TMEM53: variants seen among roughly 807,000 people sequenced by gnomAD.
TMEM53 encodes novel DUF829 domain-containing protein.
Under a neutral mutation model 21.4 loss-of-function variants are expected in TMEM53, and 14 were observed. The ratio of observed to expected loss-of-function variants is 0.65; its 90% CI spans 0.43 to 1.02. TMEM53 has a LOEUF of 1.02. Among genes scored for constraint, TMEM53 ranks in the 50% least tolerant of loss-of-function variants. The pLI, the probability that TMEM53 is intolerant of heterozygous loss-of-function variation, is 0.00. For missense variants in TMEM53, 323 were observed against 383.6 expected (o/e 0.84, Z 1.32); for synonymous variants, 148 against 157.4 (o/e 0.94, Z 0.45).
At chr1:44,670,852 C>T (rs867256711) in intron 1 of TMEM53, among the ~76,000 whole-genome samples, 2 of 152,228 alleles carry the variant, frequency 1.3e-5, no homozygotes, top group African/African-American at 4.8e-5. Context: ...AACATGAGAG[C>T]CACACGGTGC....
chr1:44,655,725 C>A lies in TMEM53; in HGVS notation c.184-516G>T, dbSNP rs1644843578. Among the ~76,000 whole-genome samples, 1 of 152,120 alleles carries A rather than the reference C, an allele frequency of 6.6e-6. No homozygotes were observed. ...GCTGGCCTGCAGGCGCCAGCCCTGACCACCAGAGGCCACTTCTGAGCCAGG... is the reference window on the plus strand; with the variant it reads ...GCTGGCCTGCAGGCGCCAGCCCTGAACACCAGAGGCCACTTCTGAGCCAGG... On this transcript the variant is annotated intron_variant, in intron 2 of 2. Coordinates refer to ENST00000372237, the MANE Select transcript of TMEM53 (RefSeq NM_024587.4). This position sits in a 1 kb window ranked among gnomAD's most constrained non-coding sequence, Gnocchi z 4.4.
chr1:44,674,461 G>C lies in TMEM53; in HGVS notation c.-70C>G. ...CGCTTGCGCACCCGTGCCTCACCCGGGCGCCTCCTGGGCGCCGCCCAATCA... is the reference window on the plus strand; with the variant it reads ...CGCTTGCGCACCCGTGCCTCACCCGCGCGCCTCCTGGGCGCCGCCCAATCA... On this transcript the variant is annotated 5_prime_UTR_variant, in exon 1 of 3. Coordinates refer to ENST00000372237, the MANE Select transcript of TMEM53 (RefSeq NM_024587.4). 6 of 1,509,208 alleles carry C rather than the reference G, an allele frequency of 4.0e-6. No individual in the cohort carries two copies. Among genetic ancestry groups the C allele is most frequent in the Non-Finnish European group, 5.4e-6 (6 of 1,118,204 alleles). 93.5% of individuals were successfully genotyped at this position (1,509,208 alleles called of 1,614,324 possible).
intron 1 of TMEM53, 63 bp from the exon 2 acceptor site, chr1:44,660,358 T>C: frequency 6.4e-7 from 1 of 1,552,236 alleles, no homozygotes; most frequent in Non-Finnish European, 8.7e-7. Flanking sequence ...GACTGCCCAA[T>C]CCAGAGTCAG....
At chr1:44,657,915 C>T (rs1308331775) in intron 2 of TMEM53, among the ~76,000 whole-genome samples, 1 of 151,710 alleles carries the variant, frequency 6.6e-6, no homozygotes, top group Non-Finnish European at 1.5e-5. Context: ...ATCCTGTCCT[C>T]CCTATTGGAA....
chr1:44,673,810 C>G, intron 1 of TMEM53: 1 of 978,344 alleles, frequency 1.0e-6, no homozygotes, highest in Non-Finnish European at 1.2e-6. Flanking sequence ...GGATTTCAGT[C>G]GAGTTCTACC....
chr1:44,661,510 A>G (rs1644902329), intron 1 of TMEM53, among the ~76,000 whole-genome samples: 1 of 152,006 alleles, frequency 6.6e-6, no homozygotes, highest in African/African-American at 2.4e-5. Flanking sequence ...CGGGAACAAG[A>G]AAGTCTTAAA....
chr1:44,673,209 T>C (rs1645028629), intron 1 of TMEM53, among the ~76,000 whole-genome samples: 1 of 152,240 alleles, frequency 6.6e-6, no homozygotes, highest in South Asian at 2.1e-4. Context: ...TGGGGCCATC[T>C]GTTCTGCGGG....
intron 1 of TMEM53, among the ~76,000 whole-genome samples, chr1:44,668,236 G>A (rs1644965779): frequency 6.6e-6 from 1 of 151,892 alleles, no homozygotes; most frequent in Non-Finnish European, 1.5e-5. Flanking sequence ...AGGTCAGGAG[G>A]TCAAGACCAT....
chr1:44,656,136 G>A (rs900345061), intron 2 of TMEM53, among the ~76,000 whole-genome samples: 6 of 151,984 alleles, frequency 3.9e-5, no homozygotes, highest in South Asian at 2.1e-4. Flanking sequence ...GGTCAGACAG[G>A]TCCGGGTTCA....
chr1:44,673,198 C>A (rs527393674), intron 1 of TMEM53, among the ~76,000 whole-genome samples: 65 of 152,332 alleles, frequency 4.3e-4, no homozygotes, highest in Non-Finnish European at 7.6e-4. Context: ...AACAGCTGGT[C>A]TGGGGCCATC....
At chr1:44,663,399 C>A (rs2148533746) in intron 1 of TMEM53, among the ~76,000 whole-genome samples, 1 of 152,276 alleles carries the variant, frequency 6.6e-6, no homozygotes, top group South Asian at 2.1e-4. Flanking sequence ...CACCACCACA[C>A]CTGGCTAATT....
chr1:44,657,002 A>ACT (rs1270010928), intron 2 of TMEM53, among the ~76,000 whole-genome samples: 18 of 143,922 alleles, frequency 1.3e-4, no homozygotes, highest in African/African-American at 3.0e-4. Context: ...ACAGAGCAAG[A>ACT]CTCTCTCTCA....
intron 2 of TMEM53, among the ~76,000 whole-genome samples, chr1:44,657,169 G>C (rs1644858146): frequency 6.6e-6 from 1 of 152,180 alleles, no homozygotes; most frequent in African/African-American, 2.4e-5. Context: ...ACTCCAGCCT[G>C]GGTGACAGAG....
intron 1 of TMEM53, among the ~76,000 whole-genome samples, chr1:44,667,481 T>G (rs1468086216): frequency 1.3e-5 from 2 of 151,912 alleles, no homozygotes; most frequent in Non-Finnish European, 2.9e-5. Flanking sequence ...CTAATTTTTG[T>G]GGTTTCAGTA....
intron 1 of TMEM53, among the ~76,000 whole-genome samples, chr1:44,665,566 C>T (rs557668690): frequency 1.3e-5 from 2 of 148,494 alleles, no homozygotes; most frequent in East Asian, 2.0e-4. Context: ...ACCCAGGAGG[C>T]GGAGGTTGCA....
Position 44,654,420 on chromosome 1 carries a change from T to C in TMEM53, c.*139A>G, listed in dbSNP as rs1484955740. The C allele has an allele frequency of 1.0e-6, 1 of 980,350 alleles. No homozygotes were observed. The highest frequency in any genetic ancestry group is 2.4e-5 in the East Asian group (1 of 40,934). The allele number at this position is 980,350 out of a possible 1,614,324, so 60.7% of individuals were successfully genotyped here. On this transcript the variant is annotated 3_prime_UTR_variant, in exon 3 of 3. Coordinates refer to ENST00000372237, the MANE Select transcript of TMEM53 (RefSeq NM_024587.4). This position sits in a 1 kb window ranked among gnomAD's most constrained non-coding sequence, Gnocchi z 7.0. ...CAGAGGCCCCCAGGAGACAGGCCCA[T>C]AGGAATTTTCTACTTAGGGGACCGC...
At chr1:44,672,770 T>TAAAA (rs35956030) in intron 1 of TMEM53, among the ~76,000 whole-genome samples, 2 of 141,972 alleles carry the variant, frequency 1.4e-5, no homozygotes, top group Admixed American at 7.0e-5. Context: ...CTCCATCTCT[T>TAAAA]AAAAAAAAAA....
In TMEM53 at chr1:44,657,547, G is replaced by A. The variant is rs137947480; in HGVS notation, c.184-2338C>T. Among the ~76,000 whole-genome samples the A allele has an allele frequency of 4.3e-3, 657 of 152,172 alleles. 3 individuals are homozygous for A. The highest frequency in any genetic ancestry group is 6.9e-3 in the Admixed American group (106 of 15,292). ...ATGGTGTTTTTGTTTTGTTTTGCTTGTTTTGTTTGAGACAGGGTCTCACTC... is the reference window on the plus strand; with the variant it reads ...ATGGTGTTTTTGTTTTGTTTTGCTTATTTTGTTTGAGACAGGGTCTCACTC... On this transcript the variant is annotated intron_variant, in intron 2 of 2. Coordinates refer to ENST00000372237, the MANE Select transcript of TMEM53 (RefSeq NM_024587.4).
Position 44,655,051 on chromosome 1 carries a change from G to A in TMEM53, c.342C>T (p.Asn114=), listed in dbSNP as rs773405213. 36 of 1,614,090 alleles carry A rather than the reference G, an allele frequency of 2.2e-5. No individual in the cohort carries two copies. Among genetic ancestry groups the A allele is most frequent in the South Asian group, 1.4e-4 (13 of 91,084 alleles). ...CGTAGCGGTACAGCATGACGCCACC[G>A]TTGCTGAAGACATGGAAGAGCAGGG... ...KEPLLFHVFS[N]GGVMLYRYVL... The change falls in exon 3 of 3, where the codon AAC becomes AAT. Residue 114 remains asparagine, a synonymous_variant. Coordinates refer to ENST00000372237, the MANE Select transcript of TMEM53 (RefSeq NM_024587.4). The surrounding 1 kb of genome is among the most constrained non-coding windows in gnomAD (Gnocchi z 4.4).
Sources: allele counts gnomAD v4.1 joint callset (sites outside exome capture counted in the v4.1 genomes callset), GRCh38; gene constraint gnomAD v4.1.1; non-coding constraint Gnocchi (gnomAD v3.1); transcripts MANE v1.5; gene names NCBI Gene and HGNC (gene_info 2026-07-23, HGNC 2026-07-21).